Variants in COL11A1 observed in about 807,000 individuals in gnomAD.
COL11A1 encodes the protein collagen type XI alpha 1 chain.
A neutral mutation model predicts 265.2 loss-of-function variants in COL11A1; 74 were observed. The ratio of observed to expected loss-of-function variants is 0.28; its 90% CI spans 0.23 to 0.34. COL11A1 has a LOEUF of 0.34. Among genes scored for constraint, COL11A1 ranks in the 10% least tolerant of loss-of-function variants. COL11A1 has a pLI of 1.00. For synonymous variants in COL11A1, 816 were observed against 727.6 expected (o/e 1.12, Z -1.96); for missense variants, 2,165 against 2,263.6 (o/e 0.96, Z 0.88).
At chr1:103,063,867 G>A (rs1356302489) in intron 4 of COL11A1, among the ~76,000 whole-genome samples, 1 of 152,092 alleles carries the variant, frequency 6.6e-6, no homozygotes, top group African/African-American at 2.4e-5. Context: ...CAATAAAAAA[G>A]CTAACAATCT....
rs375605297 is a variant in COL11A1 at position 103,017,899 on chromosome 1, C to T, written c.1351-17G>A. 26 of 1,594,898 alleles carry T rather than the reference C, an allele frequency of 1.6e-5. No homozygotes were observed. The highest frequency in any genetic ancestry group is 2.1e-5 in the Non-Finnish European group (25 of 1,162,808). ...CATAATACCCTATAGAGAAACACAC[C>T]ATATCTTAATCAGATTCCTAATCTC... is the stretch of plus-strand genomic sequence containing the variant. On this transcript the variant is annotated splice_polypyrimidine_tract_variant and intron_variant, in intron 10 of 66. Coordinates refer to ENST00000370096, the MANE Select transcript of COL11A1 (RefSeq NM_001854.4).
At chr1:103,081,317 T>C (rs1672394559) in intron 2 of COL11A1, among the ~76,000 whole-genome samples, 1 of 151,940 alleles carries the variant, frequency 6.6e-6, no homozygotes, top group Admixed American at 6.6e-5. Context: ...TATATTTTTC[T>C]TTGTTTTACT....
chr1:102,949,150 C>A (rs559752039), intron 41 of COL11A1, among the ~76,000 whole-genome samples: 1 of 152,070 alleles, frequency 6.6e-6, no homozygotes, highest in Admixed American at 6.5e-5. Context: ...CATGATGCAA[C>A]TAGGGTTATT....
intron 44 of COL11A1, among the ~76,000 whole-genome samples, chr1:102,937,370 T>A (rs1324110573): frequency 6.6e-6 from 1 of 152,192 alleles, no homozygotes; most frequent in Non-Finnish European, 1.5e-5. Flanking sequence ...TCTAATTAAA[T>A]CCATAGTATT....
intron 54 of COL11A1, among the ~76,000 whole-genome samples, chr1:102,903,733 A>G (rs972329817): frequency 6.6e-6 from 1 of 152,186 alleles, no homozygotes; most frequent in Non-Finnish European, 1.5e-5. Context: ...GTATTCTCAA[A>G]TCAGTTTCAA....
chr1:103,090,741 A>G (rs1673252831), intron 1 of COL11A1, among the ~76,000 whole-genome samples: 1 of 152,316 alleles, frequency 6.6e-6, no homozygotes, highest in East Asian at 1.9e-4. Context: ...TTATTATTCC[A>G]TGAAAATGTC....
chr1:103,068,765 G>A (rs1043216854), intron 4 of COL11A1, among the ~76,000 whole-genome samples: 13 of 150,588 alleles, frequency 8.6e-5, no homozygotes, highest in African/African-American at 2.2e-4. Flanking sequence ...ATAAAAAATC[G>A]TGTTTTCTAT....
chr1:102,892,893 TAAG>T (rs1434045071), intron 57 of COL11A1, among the ~76,000 whole-genome samples: 2 of 152,000 alleles, frequency 1.3e-5, no homozygotes, highest in Non-Finnish European at 2.9e-5. Flanking sequence ...AATCTTCTAA[TAAG>T]GAGAAAATTA....
At chr1:102,921,409 A>T (rs1655973745) in intron 48 of COL11A1, 109 bp downstream of exon 48, 3 of 877,070 alleles carry the variant, frequency 3.4e-6, no homozygotes, top group Non-Finnish European at 5.4e-6. Context: ...TTAACCACTT[A>T]ATATTAAACA....
chr1:102,936,220 G>A (rs1198580784), intron 44 of COL11A1, among the ~76,000 whole-genome samples: 3 of 149,002 alleles, frequency 2.0e-5, no homozygotes, highest in South Asian at 2.1e-4. Context: ...GCCTCATACT[G>A]AAGTACAGTG....
At chr1:103,049,640 T>C (rs1669618102) in intron 4 of COL11A1, among the ~76,000 whole-genome samples, 1 of 152,226 alleles carries the variant, frequency 6.6e-6, no homozygotes, top group African/African-American at 2.4e-5. Flanking sequence ...GATCCTGCCA[T>C]TATGATGTCA....
chr1:102,907,261 T>C lies in COL11A1; in HGVS notation c.4086+4898A>G, dbSNP rs3767274. 6.8e-3 allele frequency among the ~76,000 whole-genome samples: 1,041 copies of C among 152,228 alleles called. 29 individuals are homozygous for C. The East Asian group carries it at 0.08, about 12-fold the overall frequency. ...ATTAAAATAGCTCATCATCTTTCTA[T>C]AAATTGTAATTTAAAAAGAGAGGAT... On this transcript the variant is annotated intron_variant, in intron 54 of 66. Transcript: ENST00000370096.
chr1:103,011,564 A>G (rs1274820344), intron 14 of COL11A1, among the ~76,000 whole-genome samples: 1 of 152,094 alleles, frequency 6.6e-6, no homozygotes, highest in Non-Finnish European at 1.5e-5. Flanking sequence ...TAATATAATC[A>G]GTAAAACAGA....
At chr1:103,034,948 T>TG (rs1024728168) in intron 4 of COL11A1, among the ~76,000 whole-genome samples, 1 of 152,124 alleles carries the variant, frequency 6.6e-6, no homozygotes, top group Non-Finnish European at 1.5e-5. Context: ...TTGCTGCCTG[T>TG]GGCCAATGAG....
intron 29 of COL11A1, 137 bp from the exon 30 acceptor site, chr1:102,987,877 C>A: frequency 1.4e-6 from 1 of 702,828 alleles, no homozygotes; most frequent in Non-Finnish European, 2.6e-6. Context: ...TGCCCTTGAT[C>A]GTTCCTGGGC....
At position 102,913,607 on chromosome 1, in the gene COL11A1, A is replaced by C. The variant is rs564325539; in HGVS notation, c.4032+30T>G. 43 of 1,603,672 alleles carry C rather than the reference A, an allele frequency of 2.7e-5. 1 individual carries two copies. The South Asian group carries it at 4.4e-4, about 16-fold the overall frequency. Reference sequence around the variant, plus strand: ...TAAAATGCCTTGAGACTATGTAAAAACTTAAAAATAAATTAGTGCATTTAC... The same window carrying C: ...TAAAATGCCTTGAGACTATGTAAAACCTTAAAAATAAATTAGTGCATTTAC... On this transcript the variant is annotated intron_variant, in intron 53 of 66. Transcript: ENST00000370096.
intron 1 of COL11A1, 42 bp from the exon 2 acceptor site, chr1:103,083,014 G>C (rs1007914408): frequency 6.4e-7 from 1 of 1,572,708 alleles, no homozygotes; most frequent in African/African-American, 1.4e-5. Flanking sequence ...ATTGAACAAC[G>C]ATCTGATATA....
At chr1:103,098,216 T>A (rs1490959754) in intron 1 of COL11A1, among the ~76,000 whole-genome samples, 1 of 151,974 alleles carries the variant, frequency 6.6e-6, no homozygotes, top group Non-Finnish European at 1.5e-5. Flanking sequence ...TATATTGTAA[T>A]TAGTTGATCT....
chr1:102,965,611 G>T, intron 37 of COL11A1, 71 bp from the exon 38 acceptor site: 1 of 1,248,018 alleles, frequency 8.0e-7, no homozygotes, highest in Non-Finnish European at 1.2e-6. Context: ...CTATGAGATA[G>T]CTGAATAAGT....
Sources: allele counts gnomAD v4.1 joint callset (sites outside exome capture counted in the v4.1 genomes callset), GRCh38; gene constraint gnomAD v4.1.1; transcripts MANE v1.5; gene names NCBI Gene and HGNC (gene_info 2026-07-23, HGNC 2026-07-21).